TMEFF2: variants seen among roughly 807,000 people sequenced by gnomAD.
TMEFF2 encodes the protein tomoregulin-2.
In TMEFF2, 28 loss-of-function variants were observed where a neutral mutation model predicts 53.8. The observed-to-expected ratio is 0.52, with a 90% CI of 0.39 to 0.71. The LOEUF is 0.71. TMEFF2 is among the 30% of genes least tolerant of loss of function. TMEFF2 has a pLI of 0.00. For synonymous variants in TMEFF2, 162 were observed against 166.3 expected (o/e 0.97, Z 0.20); for missense variants, 353 against 455.2 (o/e 0.78, Z 2.04).
intron 4 of TMEFF2, among the ~76,000 whole-genome samples, chr2:192,157,869 C>A (rs1002619347): frequency 6.6e-6 from 1 of 152,030 alleles, no homozygotes; most frequent in African/African-American, 2.4e-5. Flanking sequence ...TCTAGTCATG[C>A]CAAACCATCT....
At chr2:192,066,822 C>G (rs1220438225) in intron 4 of TMEFF2, among the ~76,000 whole-genome samples, 3 of 151,894 alleles carry the variant, frequency 2.0e-5, no homozygotes, top group Admixed American at 6.6e-5. Flanking sequence ...TGCCAGACTT[C>G]ATGAAAATAT....
intron 4 of TMEFF2, among the ~76,000 whole-genome samples, chr2:192,146,438 GC>G (rs1268382161): frequency 6.6e-6 from 1 of 151,894 alleles, no homozygotes; most frequent in Non-Finnish European, 1.5e-5. Context: ...TTTCACATTG[GC>G]TTTAAGTGAT....
intron 7 of TMEFF2, among the ~76,000 whole-genome samples, chr2:191,967,127 ATTTAAG>A (rs1367021732): frequency 5.3e-5 from 8 of 152,160 alleles, no homozygotes; most frequent in African/African-American, 1.9e-4. Flanking sequence ...TAAATGGAAT[ATTTAAG>A]TTTAATGTTT....
At chr2:192,041,966 T>C (rs1262758644) in intron 5 of TMEFF2, among the ~76,000 whole-genome samples, 1 of 152,048 alleles carries the variant, frequency 6.6e-6, no homozygotes, top group Non-Finnish European at 1.5e-5. Context: ...TCCCATGGGC[T>C]GGGGGAGGTG....
intron 5 of TMEFF2, among the ~76,000 whole-genome samples, chr2:192,009,881 CTG>C (rs1336698061): frequency 6.6e-6 from 1 of 152,124 alleles, no homozygotes; most frequent in East Asian, 1.9e-4. Context: ...TTTCAAAACA[CTG>C]TACTTTATCA....
chr2:192,009,259 G>A (rs975478586), intron 5 of TMEFF2, among the ~76,000 whole-genome samples: 15 of 152,090 alleles, frequency 9.9e-5, no homozygotes, highest in South Asian at 2.1e-4. Context: ...GTGATTGTGC[G>A]TGTGTGTATA....
chr2:191,953,942 T>C (rs920299757), intron 8 of TMEFF2, 105 bp from the exon 9 acceptor site: 3 of 1,002,890 alleles, frequency 3.0e-6, no homozygotes, highest in South Asian at 2.0e-5. Flanking sequence ...CAGGCTGGAG[T>C]GCAGTGGCGC....
At chr2:192,120,287 G>C (rs1689518113) in intron 4 of TMEFF2, among the ~76,000 whole-genome samples, 1 of 152,166 alleles carries the variant, frequency 6.6e-6, no homozygotes, top group Admixed American at 6.5e-5. Flanking sequence ...GCCAGTTTCA[G>C]CCAGTTTGTA....
intron 4 of TMEFF2, among the ~76,000 whole-genome samples, chr2:192,118,104 ATTTGT>A (rs1293548295): frequency 2.0e-5 from 3 of 151,962 alleles, no homozygotes; most frequent in Non-Finnish European, 4.4e-5. Flanking sequence ...CTTGAGAGAC[ATTTGT>A]TTTTATTTCC....
chr2:192,113,100 TTTAA>T (rs1159140881), intron 4 of TMEFF2, among the ~76,000 whole-genome samples: 1 of 152,234 alleles, frequency 6.6e-6, no homozygotes, highest in African/African-American at 2.4e-5. Context: ...TTTAACATGA[TTTAA>T]TTAATGTTGA....
At chr2:192,092,828 G>A (rs994791327) in intron 4 of TMEFF2, among the ~76,000 whole-genome samples, 2 of 152,054 alleles carry the variant, frequency 1.3e-5, no homozygotes, top group Non-Finnish European at 2.9e-5. Flanking sequence ...GTGACTTCTA[G>A]AAGCTGAAAA....
In TMEFF2 at chr2:192,003,042, C is replaced by CT. The variant is rs373941054; in HGVS notation, c.537-3835dup. On this transcript the variant is annotated intron_variant, in intron 5 of 9. Transcript: ENST00000272771. Reference sequence around the variant, plus strand: ...GATTCCAAGACCATGGTCTGAAACTCTAAGTCCATCTTGATCTCTATTTGC... The same window carrying CT: ...GATTCCAAGACCATGGTCTGAAACTCTTAAGTCCATCTTGATCTCTATTTGC... 3.0e-3 allele frequency among the ~76,000 whole-genome samples: 450 copies of CT among 152,284 alleles called. 8 individuals are homozygous for CT. Among genetic ancestry groups the CT allele is most frequent in the South Asian group, 0.026 (126 of 4,832 alleles).
rs191911042 is a variant in TMEFF2, at chr2:192,038,835, C to A, written c.536+18844G>T. On this transcript the variant is annotated intron_variant, in intron 5 of 9. Coordinates refer to ENST00000272771, the MANE Select transcript of TMEFF2 (RefSeq NM_016192.4). ...TTGTTGTACCCATTGTATTGTTTTC[C>A]TTTTAAAAAGAAAGCCTTCCTGACA... 3.9e-4 allele frequency among the ~76,000 whole-genome samples: 60 copies of A among 152,242 alleles called. No individual in the cohort carries two copies. In the East Asian group the frequency reaches 0.011, roughly 29 times the overall value.
intron 7 of TMEFF2, among the ~76,000 whole-genome samples, chr2:191,996,534 T>TCAGACTTTTATTTTTCATTA (rs1208509671): frequency 1.3e-5 from 2 of 151,858 alleles, no homozygotes; most frequent in African/African-American, 4.8e-5. Flanking sequence ...ACAATTAGCC[T>TCAGACTTTTATTTTTCATTA]CAGACTTTTA....
chr2:191,974,306 CCTT>C (rs1692738893), intron 7 of TMEFF2, among the ~76,000 whole-genome samples: 1 of 151,908 alleles, frequency 6.6e-6, no homozygotes, highest in African/African-American at 2.4e-5. Context: ...CCTATGATTG[CCTT>C]CTTCTTTCAG....
intron 4 of TMEFF2, among the ~76,000 whole-genome samples, chr2:192,081,792 C>T (rs1039206608): frequency 6.8e-6 from 1 of 147,596 alleles, no homozygotes; most frequent in East Asian, 2.0e-4. Context: ...AATTATTAAA[C>T]GATTTCCCTT....
In TMEFF2 at chr2:191,965,321, TCTAA is replaced by T. The variant is rs1345082086; in HGVS notation, c.746-8947_746-8944del. On this transcript the variant is annotated intron_variant, in intron 7 of 9. Coordinates refer to ENST00000272771, the MANE Select transcript of TMEFF2 (RefSeq NM_016192.4). ...GGAAATCTGGGTTTCACTTTTAAAT[TCTAA>T]CTGAGTAAATCACCAAGATTTCTAC... is the stretch of plus-strand genomic sequence containing the variant. Among the ~76,000 whole-genome samples, 4 of 152,256 alleles carry T rather than the reference TCTAA, an allele frequency of 2.6e-5. No individual in the cohort carries two copies. In the East Asian group the frequency reaches 5.8e-4, roughly 22 times the overall value.
chr2:192,156,445 A>T (rs1166858905), intron 4 of TMEFF2, among the ~76,000 whole-genome samples: 2 of 151,994 alleles, frequency 1.3e-5, no homozygotes, highest in African/African-American at 4.8e-5. Flanking sequence ...CATTTCCAGT[A>T]TTCAAACCCA....
chr2:192,191,984 C>G lies in TMEFF2; in HGVS notation c.178G>C (p.Asp60His), dbSNP rs1691472611. The G allele has an allele frequency of 1.2e-6, 2 of 1,605,972 alleles. No homozygotes were observed. The highest frequency in any genetic ancestry group is 1.7e-6 in the Non-Finnish European group (2 of 1,172,872). Reference protein sequence around the residue: ...TPTGWNCSGYDDRENDLFLCD... With the variant: ...TPTGWNCSGYHDRENDLFLCD... ...AGGAAGAGATCATTTTCTCTGTCAT[C>G]ATAACCTCAAATTCAAAGAGAACAC... The change falls in exon 2 of 10, where the codon GAT becomes CAT. Residue 60 changes from aspartate (D) to histidine (H), a missense_variant. By Grantham distance (81) the Asp-to-His change is moderately conservative. Around this residue, in one of 3 missense-constraint regions of TMEFF2, gnomAD observed 294 missense variants for 397.3 expected, o/e 0.74. Transcript: ENST00000272771.
Sources: allele counts gnomAD v4.1 joint callset (sites outside exome capture counted in the v4.1 genomes callset), GRCh38; gene constraint gnomAD v4.1.1; regional missense constraint gnomAD v4.1.1; transcripts MANE v1.5; gene names NCBI Gene and HGNC (gene_info 2026-07-23, HGNC 2026-07-21).